The following SS18L2 variants were observed in gnomAD, a reference collection of about 807,000 sequenced individuals.
SS18L2 encodes SS18-like protein 2.
In SS18L2, 8 loss-of-function variants were observed where a neutral mutation model predicts 10.3. That is an observed-to-expected ratio of 0.78 (90% CI 0.46 to 1.41). SS18L2 has a LOEUF of 1.41. SS18L2 is among the 40% of genes most tolerant of loss of function. The pLI, the probability that SS18L2 is intolerant of heterozygous loss-of-function variation, is 0.00. For synonymous variants in SS18L2, 41 were observed against 34.6 expected (o/e 1.19, Z -0.65); for missense variants, 100 against 96.2 (o/e 1.04, Z -0.17).
intron 1 of SS18L2, among the ~76,000 whole-genome samples, chr3:42,584,917 C>T (rs564894013): frequency 6.6e-6 from 1 of 151,952 alleles, no homozygotes; most frequent in African/African-American, 2.4e-5. Context: ...GGGTGGATCA[C>T]GAGGTCAGGG....
At chr3:42,590,427 G>A (rs181108936), upstream of SS18L2, among the ~76,000 whole-genome samples, 7 of 152,104 alleles carry the variant, frequency 4.6e-5, no homozygotes, top group Non-Finnish European at 8.8e-5. Context: ...TCAGGAGACC[G>A]AGACCATCCT....
chr3:42,582,667 A>G (rs1415631105), intron 1 of SS18L2, among the ~76,000 whole-genome samples: 7 of 152,238 alleles, frequency 4.6e-5, no homozygotes, highest in African/African-American at 1.2e-4. Context: ...ACACCTGTAT[A>G]AATACAAACT....
At position 42,591,592 on chromosome 3, in the gene SS18L2, A is replaced by T; in HGVS notation, c.137A>T (p.Glu46Val). The T allele has an allele frequency of 6.2e-7, 1 of 1,612,716 alleles. No homozygotes were observed. Among genetic ancestry groups the T allele is most frequent in the South Asian group, 1.1e-5 (1 of 91,046 alleles). ...VEYQNKGRGN[E>V]CVQYQHVLHR... Reference sequence around the variant, plus strand: ...TATCAGAACAAGGGCCGCGGGAACGAGTGCGTGCAGTAAGTACCCCCACCC... The same window carrying T: ...TATCAGAACAAGGGCCGCGGGAACGTGTGCGTGCAGTAAGTACCCCCACCC... Residue 46 changes from glutamate to valine, a missense_variant, in exon 2 of 3, where the codon GAG becomes GTG. Transcript: ENST00000011691.
At chr3:42,585,385 A>T (rs930980220) in intron 1 of SS18L2, among the ~76,000 whole-genome samples, 1 of 152,182 alleles carries the variant, frequency 6.6e-6, no homozygotes, top group Admixed American at 6.5e-5. Flanking sequence ...AGTCCTCTTC[A>T]GTCCTCCACT....
At chr3:42,589,631 G>C (rs1433913675), upstream of SS18L2, among the ~76,000 whole-genome samples, 2 of 152,214 alleles carry the variant, frequency 1.3e-5, no homozygotes, top group Non-Finnish European at 2.9e-5. Flanking sequence ...GGGAGCATTA[G>C]ATTCTCACAG....
chr3:42,595,859 A>C lies in SS18L2; in HGVS notation c.*1350A>C, dbSNP rs2125743158. ...TAACCTCTGAAAGCTCTGTTTCCTC[A>C]CCTCTAAAGTGAGGATAATGAAAAT... On this transcript the variant is annotated 3_prime_UTR_variant, in exon 3 of 3. Transcript: ENST00000011691. Among the ~76,000 whole-genome samples the C allele has an allele frequency of 6.6e-6, 1 of 152,224 alleles. No individual in the cohort carries two copies. The highest frequency in any genetic ancestry group is 1.9e-4 in the East Asian group (1 of 5,184).
At chr3:42,592,467 T>C (rs1229321803) in intron 2 of SS18L2, among the ~76,000 whole-genome samples, 1 of 152,216 alleles carries the variant, frequency 6.6e-6, no homozygotes, top group African/African-American at 2.4e-5. Context: ...CCCAAAGTGT[T>C]GGAATTACAG....
chr3:42,592,871 C>G (rs1329361209), intron 2 of SS18L2, among the ~76,000 whole-genome samples: 7 of 152,084 alleles, frequency 4.6e-5, no homozygotes, highest in East Asian at 1.9e-4. Flanking sequence ...AACTCTACCC[C>G]CCCCACCGTA....
exon 1 of SS18L2, chr3:42,581,894 C>T (rs1215126552): frequency 6.6e-6 from 1 of 152,338 alleles, no homozygotes; most frequent in Non-Finnish European, 1.5e-5. Context: ...AGCTACCCGC[C>T]GCCTCCTCAG....
chr3:42,584,817 C>G (rs1049628370), intron 1 of SS18L2, among the ~76,000 whole-genome samples: 3 of 152,164 alleles, frequency 2.0e-5, no homozygotes, highest in East Asian at 1.9e-4. Context: ...AATTGAAAAC[C>G]CTGTAGCATA....
upstream of SS18L2, among the ~76,000 whole-genome samples, chr3:42,589,577 C>T (rs553836408): frequency 6.6e-6 from 1 of 152,276 alleles, no homozygotes; most frequent in African/African-American, 2.4e-5. Context: ...GCATTACCGC[C>T]GAGCATTCTG....
In SS18L2 at chr3:42,591,584, C is replaced by T. The variant is rs757656436; in HGVS notation, c.129C>T (p.Arg43=). The T allele has an allele frequency of 6.2e-7, 1 of 1,613,466 alleles. No homozygotes were observed. The highest frequency in any genetic ancestry group is 1.3e-5 in the African/African-American group (1 of 74,908). Residue 43 remains arginine (R), a synonymous_variant, in exon 2 of 3, where the codon CGC becomes CGT. Transcript: ENST00000011691. ...TTGTGGAGTATCAGAACAAGGGCCG[C>T]GGGAACGAGTGCGTGCAGTAAGTAC... ...RCIVEYQNKG[R]GNECVQYQHV...
chr3:42,591,454 A>G, intron 1 of SS18L2, 71 bp from the exon 2 acceptor site: 1 of 1,179,032 alleles, frequency 8.5e-7, no homozygotes, highest in East Asian at 2.3e-5. Flanking sequence ...CGGCCTCCCA[A>G]AGGGCCGGGG....
chr3:42,589,411 T>C (rs1324464265), upstream of SS18L2, among the ~76,000 whole-genome samples: 1 of 152,126 alleles, frequency 6.6e-6, no homozygotes, highest in Admixed American at 6.5e-5. Flanking sequence ...TCTAGGGACC[T>C]CCCCTTTTTA....
chr3:42,591,622 GC>G (rs1341625695), intron 2 of SS18L2, 21 bp downstream of exon 2: 2 of 1,574,022 alleles, frequency 1.3e-6, no homozygotes, highest in African/African-American at 1.3e-5. Flanking sequence ...CCACCCCCGC[GC>G]CCCTGACCTG....
At chr3:42,590,427 G>T (rs181108936), upstream of SS18L2, among the ~76,000 whole-genome samples, 44 of 152,222 alleles carry the variant, frequency 2.9e-4, no homozygotes, top group African/African-American at 1.0e-3. Flanking sequence ...TCAGGAGACC[G>T]AGACCATCCT....
At position 42,595,401 on chromosome 3, in the gene SS18L2, T is replaced by C. The variant is rs552219827; in HGVS notation, c.*892T>C. Among the ~76,000 whole-genome samples the C allele has an allele frequency of 2.6e-5, 4 of 152,374 alleles. No homozygotes were observed. In the East Asian group the frequency reaches 7.7e-4, roughly 29 times the overall value. ...TAATTATGTGCCACTATCATCCACT[T>C]TTCCTGTAAACTAGTAGATCTAGAG... On this transcript the variant is annotated 3_prime_UTR_variant, in exon 3 of 3. Transcript: ENST00000011691.
At chr3:42,589,036 G>A (rs1464076008), upstream of SS18L2, among the ~76,000 whole-genome samples, 1 of 152,112 alleles carries the variant, frequency 6.6e-6, no homozygotes, top group East Asian at 1.9e-4. Flanking sequence ...AGGCCGAAGC[G>A]GGCGGATCAC....
upstream of SS18L2, among the ~76,000 whole-genome samples, chr3:42,588,526 A>C (rs1704700133): frequency 1.3e-5 from 2 of 152,236 alleles, 1 homozygote; most frequent in African/African-American, 4.8e-5. Flanking sequence ...TACCCAGGAC[A>C]GATCTTTGTG....
Sources: gnomAD v4.1 joint callset for allele counts (sites outside exome capture counted in the v4.1 genomes callset) on GRCh38, gnomAD v4.1.1 for gene constraint, MANE v1.5 for transcripts, NCBI Gene and HGNC (gene_info 2026-07-23, HGNC 2026-07-21) for gene names.